SAP130: variants seen among roughly 807,000 people sequenced by gnomAD.
SAP130 encodes the protein histone deacetylase complex subunit SAP130.
A neutral mutation model predicts 103.2 loss-of-function variants in SAP130; 16 were observed. The observed-to-expected ratio is 0.16, with a 90% confidence interval of 0.10 to 0.24. The LOEUF (loss-of-function observed/expected upper bound fraction) is 0.24, where lower values mean the gene tolerates loss of function less well. Among genes scored for constraint, SAP130 ranks in the 10% least tolerant of loss-of-function variants. The probability of loss-of-function intolerance (pLI) is 1.00; values close to 1 mark genes in which losing one functional copy is unlikely to be tolerated. For missense variants in SAP130, 990 were observed against 1,359.7 expected, an observed-to-expected ratio of 0.73 and a Z score of 4.28; for synonymous variants, 477 against 497.0, an observed-to-expected ratio of 0.96 and a Z score of 0.53.
intron 10 of SAP130, 96 bp downstream of exon 10, chr2:127,999,644 AT>A: frequency 1.7e-6 from 1 of 572,582 alleles, no homozygotes; most frequent in Non-Finnish European, 2.9e-6. Flanking sequence ...GAAATCAACA[AT>A]GGTAAAAATC....
chr2:127,993,305 C>A lies in SAP130; in HGVS notation c.1359G>T (p.Pro453=). ...AATATTGGAACTGAACGGGAACAGA[C>A]GGTCTAGAGACAGAACAGATGATAG... The part of the protein sequence containing the change: ...VAMETRSDNR[P]SVPVQFQYFL... Residue 453 remains proline (P), a synonymous_variant, in exon 12 of 21, where the codon CCG becomes CCT. Transcript: ENST00000643581. 6.2e-7 allele frequency: 1 copy of A among 1,612,160 alleles called. No homozygotes were observed. Among genetic ancestry groups the A allele is most frequent in the South Asian group, 1.1e-5 (1 of 90,744 alleles).
chr2:127,952,827 C>T (rs1679584845), intron 16 of SAP130, among the ~76,000 whole-genome samples: 1 of 152,108 alleles, frequency 6.6e-6, no homozygotes, highest in South Asian at 2.1e-4. Context: ...GCCTCCTTTG[C>T]TGGACTTTAC....
chr2:128,022,876 C>G (rs1296026246), intron 2 of SAP130, among the ~76,000 whole-genome samples: 1 of 151,996 alleles, frequency 6.6e-6, no homozygotes, highest in Non-Finnish European at 1.5e-5. Context: ...GTCACCCAGG[C>G]TGGGGTGCAT....
At chr2:127,962,961 G>T (rs1680366222) in intron 15 of SAP130, among the ~76,000 whole-genome samples, 1 of 150,740 alleles carries the variant, frequency 6.6e-6, no homozygotes. Flanking sequence ...CTTAAGTGTT[G>T]CTGCTTCAAA....
intron 7 of SAP130, among the ~76,000 whole-genome samples, chr2:128,008,024 G>C (rs1047811737): frequency 1.3e-5 from 2 of 152,210 alleles, no homozygotes; most frequent in Non-Finnish European, 2.9e-5. Flanking sequence ...GGAAATCAAA[G>C]AGGCATCTCC....
In SAP130 at chr2:127,955,381, A is replaced by G; in HGVS notation, c.2064-37T>C. The G allele has an allele frequency of 7.1e-7, 1 of 1,417,996 alleles. No homozygotes were observed. Among genetic ancestry groups the G allele is most frequent in the Non-Finnish European group, 9.6e-7 (1 of 1,041,374 alleles). The allele number at this position is 1,417,996 out of a possible 1,614,324, so 87.8% of individuals were successfully genotyped here. A position where few individuals can be genotyped will look rare whatever the true frequency, so the allele number is the denominator to read the frequency against. Reference sequence around the variant, plus strand: ...AAGAAAAGCACATGTAGCAAATAAGAAAAAAACTGCCTTCATCTACAACAT... The same window carrying G: ...AAGAAAAGCACATGTAGCAAATAAGGAAAAAACTGCCTTCATCTACAACAT... On this transcript the variant is annotated intron_variant, in intron 15 of 20. Coordinates refer to ENST00000643581, the MANE Select transcript of SAP130 (RefSeq NM_001330301.2). The surrounding 1 kb of genome is among the most constrained non-coding windows in gnomAD (Gnocchi z 4.9).
In SAP130 at chr2:127,941,962, T is replaced by A; in HGVS notation, c.*44A>T. On this transcript the variant is annotated 3_prime_UTR_variant, in exon 21 of 21. Transcript: ENST00000643581. ...CAAAACCCTCCCCCCACCCCCACCA[T>A]CATTCTTCATAAATTTGCTTCCAAT... The A allele has an allele frequency of 5.9e-6, 2 of 341,682 alleles. No homozygotes were observed. Among genetic ancestry groups the A allele is most frequent in the African/African-American group, 3.9e-5 (1 of 25,672 alleles). The allele number at this position is 341,682 out of a possible 1,614,324, so 21.2% of individuals were successfully genotyped here.
At position 128,005,968 on chromosome 2, in the gene SAP130, A is replaced by G. The variant is rs947219395; in HGVS notation, c.869+4301T>C. On this transcript the variant is annotated intron_variant, in intron 7 of 20. Transcript: ENST00000643581. ...ATGCTACAGATTGAAAAGGCACACC[A>G]TGTTTAGAACAAAACCATAAATAAT... is the stretch of plus-strand genomic sequence containing the variant. 2.6e-5 allele frequency among the ~76,000 whole-genome samples: 4 copies of G among 152,204 alleles called. No individual in the cohort carries two copies. In the South Asian group the frequency reaches 8.3e-4, roughly 31 times the overall value.
intron 3 of SAP130, among the ~76,000 whole-genome samples, 178 bp from the exon 4 acceptor site, chr2:128,016,725 C>T (rs929699725): frequency 6.6e-6 from 1 of 152,188 alleles, no homozygotes; most frequent in Non-Finnish European, 1.5e-5. Context: ...ATTTCTATTT[C>T]ACAGATAAAG....
chr2:127,945,617 T>C, intron 18 of SAP130, 58 bp from the exon 19 acceptor site: 1 of 1,088,790 alleles, frequency 9.2e-7, no homozygotes, highest in Non-Finnish European at 1.4e-6. Flanking sequence ...GTAAATGATT[T>C]GTGTTCGAGC....
chr2:128,019,941 T>C (rs980032340), intron 2 of SAP130, among the ~76,000 whole-genome samples: 18 of 152,114 alleles, frequency 1.2e-4, no homozygotes, highest in Non-Finnish European at 2.4e-4. Flanking sequence ...AAGGAAGAGC[T>C]TGTGAAAATA....
At position 128,017,556 on chromosome 2, in the gene SAP130, A is replaced by C. The variant is rs114162975; in HGVS notation, c.348+124T>G. ...TGAGTTACAGAAAGGAGCTGAACTC[A>C]TATGTCATAAAGAAAAAATGAAATG... On this transcript the variant is annotated intron_variant, in intron 3 of 20. Coordinates refer to ENST00000643581, the MANE Select transcript of SAP130 (RefSeq NM_001330301.2). 1.9e-5 allele frequency: 16 copies of C among 822,556 alleles called. No individual in the cohort carries two copies. The Admixed American group carries it at 3.9e-4, about 20-fold the overall frequency. The allele number at this position is 822,556 out of a possible 1,614,324, so 51.0% of individuals were successfully genotyped here. A position where few individuals can be genotyped will look rare whatever the true frequency, so the allele number is the denominator to read the frequency against.
chr2:128,012,825 C>G (rs936589990), intron 6 of SAP130, among the ~76,000 whole-genome samples: 1 of 151,504 alleles, frequency 6.6e-6, no homozygotes, highest in Non-Finnish European at 1.5e-5. Flanking sequence ...TCTGATTCCT[C>G]GTTAGCACAG....
rs34945052 is a variant in SAP130 at position 128,024,714 on chromosome 2, G to GAA, written c.112+1465_112+1466dup. 9.6e-3 allele frequency among the ~76,000 whole-genome samples: 1,233 copies of GAA among 129,042 alleles called. 13 individuals are homozygous for GAA. The highest frequency in any genetic ancestry group is 0.038 in the Middle Eastern group (10 of 260). 84.7% of individuals were successfully genotyped at this position (129,042 alleles called of 152,430 possible). A position where few individuals can be genotyped will look rare whatever the true frequency, so the allele number is the denominator to read the frequency against. ...GAAACCCTGTCTCTACTAAAAATGCGAAAAAAAAAAAAAAAATTACCCAGG... is the reference window on the plus strand; with the variant it reads ...GAAACCCTGTCTCTACTAAAAATGCGAAAAAAAAAAAAAAAAAATTACCCAGG... On this transcript the variant is annotated intron_variant, in intron 2 of 20. Transcript: ENST00000643581.
In SAP130 at chr2:127,945,486, G is replaced by T; in HGVS notation, c.2871C>A (p.Val957=). Residue 957 remains valine, a synonymous_variant, in exon 19 of 21, where the codon GTC becomes GTA. Coordinates refer to ENST00000643581, the MANE Select transcript of SAP130 (RefSeq NM_001330301.2). ...GVSCRAQGWK[V]HLCAAQLLQL... is the part of the protein sequence containing the mutation. ...GTAGTAACTGGGCAGCACAGAGGTG[G>T]ACTTTCCAGCCTTGAGCACGACAGG... is the stretch of plus-strand genomic sequence containing the variant. 2 of 1,612,240 alleles carry T rather than the reference G, an allele frequency of 1.2e-6. No homozygotes were observed. Among genetic ancestry groups the T allele is most frequent in the Non-Finnish European group, 1.7e-6 (2 of 1,178,344 alleles).
intron 15 of SAP130, among the ~76,000 whole-genome samples, chr2:127,963,969 G>C (rs1412288614): frequency 6.6e-6 from 1 of 152,198 alleles, no homozygotes; most frequent in East Asian, 1.9e-4. Context: ...GATTGGGATA[G>C]TGTTAGGCAG....
chr2:128,006,745 T>A (rs1684002703), intron 7 of SAP130, among the ~76,000 whole-genome samples: 1 of 152,164 alleles, frequency 6.6e-6, no homozygotes, highest in East Asian at 1.9e-4. Context: ...AAGCCACTGT[T>A]CTCCAACCTG....
intron 4 of SAP130, 56 bp from the exon 5 acceptor site, chr2:128,014,970 C>G: frequency 2.1e-6 from 3 of 1,443,058 alleles, no homozygotes; most frequent in Non-Finnish European, 2.9e-6. Flanking sequence ...GCCATTGCCT[C>G]TAGGAAGTCA....
intron 7 of SAP130, among the ~76,000 whole-genome samples, chr2:128,008,693 T>G (rs959459780): frequency 1.3e-5 from 2 of 150,522 alleles, no homozygotes; most frequent in African/African-American, 2.4e-5. Flanking sequence ...CTGTTTGTTT[T>G]TTTTTTGGTG....
Sources: gnomAD v4.1 joint callset for allele counts (sites outside exome capture counted in the v4.1 genomes callset) on GRCh38, gnomAD v4.1.1 for gene constraint, Gnocchi (gnomAD v3.1) non-coding constraint, MANE v1.5 for transcripts, NCBI Gene and HGNC (gene_info 2026-07-23, HGNC 2026-07-21) for gene names.